The following SCGB2A1 variants were observed in gnomAD, a reference collection of about 807,000 sequenced individuals.
SCGB2A1 encodes secretoglobin family 2A member 1, also known as mammaglobin-B.
SCGB2A1 carries 6 observed loss-of-function variants against 9.2 expected under a neutral mutation model. The ratio of observed to expected loss-of-function variants is 0.66; its 90% CI spans 0.36 to 1.29. The LOEUF (loss-of-function observed/expected upper bound fraction) is 1.29, where lower values mean the gene tolerates loss of function less well. Ranked by LOEUF, SCGB2A1 falls within the 50% of genes most tolerant of loss-of-function variation. The probability of loss-of-function intolerance (pLI) is 0.03; values close to 1 mark genes in which losing one functional copy is unlikely to be tolerated. For missense variants in SCGB2A1, 138 were observed against 116.9 expected (o/e 1.18, Z -0.83); for synonymous variants, 37 against 41.0 (o/e 0.90, Z 0.37).
intron 2 of SCGB2A1, among the ~76,000 whole-genome samples, chr11:62,211,617 C>A (rs1944831791): frequency 6.6e-6 from 1 of 152,242 alleles, no homozygotes; most frequent in East Asian, 1.9e-4. Flanking sequence ...CCAGGCTGGT[C>A]TTGAACTCCT....
chr11:62,212,980 G>GTACA lies in SCGB2A1; in HGVS notation c.244-746_244-745insTACA, dbSNP rs1565121330. On this transcript the variant is annotated intron_variant, in intron 2 of 2. Transcript: ENST00000244930. ...TGTACACATATGTACACATATATGT[G>GTACA]CACATATACATGCATATATGTACAC... Among the ~76,000 whole-genome samples, 158 of 137,692 alleles carry GTACA rather than the reference G, an allele frequency of 1.1e-3. 2 individuals are homozygous for GTACA. Among genetic ancestry groups the GTACA allele is most frequent in the African/African-American group, 4.3e-3 (149 of 34,452 alleles). The allele number at this position is 137,692 out of a possible 152,430, so 90.3% of individuals were successfully genotyped here. A position where few individuals can be genotyped will look rare whatever the true frequency, so the allele number is the denominator to read the frequency against.
chr11:62,212,915 TATAC>T (rs920067461), intron 2 of SCGB2A1, among the ~76,000 whole-genome samples: 1 of 142,842 alleles, frequency 7.0e-6, no homozygotes, highest in African/African-American at 2.9e-5. Context: ...TATACATATA[TATAC>T]ACACACACAT....
At chr11:62,210,067 C>T (rs1944816073) in intron 1 of SCGB2A1, among the ~76,000 whole-genome samples, 1 of 152,164 alleles carries the variant, frequency 6.6e-6, no homozygotes, top group African/African-American at 2.4e-5. Context: ...CTACCTGATG[C>T]TGGGCATGAT....
intron 2 of SCGB2A1, among the ~76,000 whole-genome samples, chr11:62,213,188 G>A (rs554083544): frequency 6.9e-6 from 1 of 145,886 alleles, no homozygotes; most frequent in African/African-American, 2.5e-5. Flanking sequence ...TGCCCTCCTT[G>A]GCTTCCCAAA....
At chr11:62,213,539 T>C (rs889722272) in intron 2 of SCGB2A1, 187 bp from the exon 3 acceptor site, 2 of 559,232 alleles carry the variant, frequency 3.6e-6, no homozygotes, top group Non-Finnish European at 3.1e-6. Flanking sequence ...TGGCCCCTGT[T>C]TGGCATTATG....
intron 1 of SCGB2A1, among the ~76,000 whole-genome samples, chr11:62,209,086 G>A (rs1218999244): frequency 6.6e-6 from 1 of 150,926 alleles, no homozygotes; most frequent in African/African-American, 2.4e-5. Context: ...CTATTTCAGT[G>A]GGGCAAGGGA....
At chr11:62,212,934 ACACACATATG>A (rs1565121264) in intron 2 of SCGB2A1, among the ~76,000 whole-genome samples, 13 of 135,492 alleles carry the variant, frequency 9.6e-5, no homozygotes, top group African/African-American at 2.7e-4. Flanking sequence ...ACACATATAT[ACACACATATG>A]TACACACATA....
chr11:62,208,869 C>A, intron 1 of SCGB2A1, 83 bp downstream of exon 1: 1 of 1,386,434 alleles, frequency 7.2e-7, no homozygotes, highest in Non-Finnish European at 1.0e-6. Flanking sequence ...CCTCTAATCC[C>A]CAGCACAGAC....
chr11:62,209,647 G>A (rs1424177160), intron 1 of SCGB2A1, among the ~76,000 whole-genome samples: 2 of 78,976 alleles, frequency 2.5e-5, no homozygotes, highest in African/African-American at 5.8e-5. Context: ...GTGTGTGTGT[G>A]TGTGTGTGTG....
rs971308438 is a variant in SCGB2A1 at position 62,212,199 on chromosome 11, AT to A, written c.244-1517del. Among the ~76,000 whole-genome samples the A allele has an allele frequency of 1.9e-3, 283 of 148,756 alleles. 1 individual carries two copies. The highest frequency in any genetic ancestry group is 5.1e-3 in the African/African-American group (208 of 40,592). On this transcript the variant is annotated intron_variant, in intron 2 of 2. Transcript: ENST00000244930. ...CAGCCTCCCAAAGTGCTGGGATTAC[AT>A]TTTTTTTTTAAGAATTTATTTAATA...
chr11:62,213,873 G>A lies in SCGB2A1; in HGVS notation c.*103G>A, dbSNP rs778783550. The A allele has an allele frequency of 7.2e-5, 65 of 907,076 alleles. No individual in the cohort carries two copies. The highest frequency in any genetic ancestry group is 6.6e-4 in the Middle Eastern group (3 of 4,524). 56.2% of individuals were successfully genotyped at this position (907,076 alleles called of 1,614,324 possible). A position where few individuals can be genotyped will look rare whatever the true frequency, so the allele number is the denominator to read the frequency against. On this transcript the variant is annotated 3_prime_UTR_variant, in exon 3 of 3. Coordinates refer to ENST00000244930, the MANE Select transcript of SCGB2A1 (RefSeq NM_002407.3). ...CTTTCTTGTGTTGTCTTTTTATGTG[G>A]AAACTGCTAGACAACTGTTGAAACC...
chr11:62,210,501 G>T lies in SCGB2A1; in HGVS notation c.144G>T (p.Glu48Asp). The T allele has an allele frequency of 6.3e-7, 1 of 1,595,826 alleles. No individual in the cohort carries two copies. Among genetic ancestry groups the T allele is most frequent in the Non-Finnish European group, 8.5e-7 (1 of 1,173,416 alleles). ...SIPEYKELLQ[E>D]FIDSDAAAEA... is the part of the protein sequence containing the mutation. ...CTGAATACAAAGAGCTTCTTCAAGAGTTCATAGACAGTGATGCCGCTGCAG... is the reference window on the plus strand; with the variant it reads ...CTGAATACAAAGAGCTTCTTCAAGATTTCATAGACAGTGATGCCGCTGCAG... Residue 48 changes from glutamate (E) to aspartate (D), a missense_variant, in exon 2 of 3, where the codon GAG becomes GAT. Coordinates refer to ENST00000244930, the MANE Select transcript of SCGB2A1 (RefSeq NM_002407.3).
chr11:62,208,880 G>A, intron 1 of SCGB2A1, 94 bp downstream of exon 1: 5 of 1,301,368 alleles, frequency 3.8e-6, no homozygotes, highest in South Asian at 1.2e-5. Flanking sequence ...CAGCACAGAC[G>A]AGCCCCAGTG....
At chr11:62,208,879 C>A (rs562709225) in intron 1 of SCGB2A1, 93 bp downstream of exon 1, 28 of 1,319,888 alleles carry the variant, frequency 2.1e-5, no homozygotes, top group Non-Finnish European at 2.8e-5. Context: ...CCAGCACAGA[C>A]GAGCCCCAGT....
intron 2 of SCGB2A1, among the ~76,000 whole-genome samples, chr11:62,213,089 C>T (rs5792250): frequency 0.15 from 1,856 of 12,320 alleles, 56 homozygotes; most frequent in East Asian, 0.5. Context: ...CACATATATA[C>T]ACATATATAT....
chr11:62,210,624 A>G, intron 2 of SCGB2A1, 24 bp downstream of exon 2: 1 of 1,492,256 alleles, frequency 6.7e-7, no homozygotes, highest in Non-Finnish European at 8.9e-7. Context: ...CTTCTTATGT[A>G]CCCTTTGAAA....
intron 1 of SCGB2A1, among the ~76,000 whole-genome samples, chr11:62,210,137 C>G (rs371399189): frequency 6.6e-6 from 1 of 152,140 alleles, no homozygotes; most frequent in Non-Finnish European, 1.5e-5. Context: ...TGCTATGTCC[C>G]CCCAGTCAGA....
At chr11:62,213,073 T>C (rs369929047) in intron 2 of SCGB2A1, among the ~76,000 whole-genome samples, 2,195 of 26,074 alleles carry the variant, frequency 0.084, 125 homozygotes, top group African/African-American at 0.12. Flanking sequence ...CATATATACA[T>C]ATATACACAT....
At chr11:62,211,611 G>A (rs1045058502) in intron 2 of SCGB2A1, among the ~76,000 whole-genome samples, 3 of 152,114 alleles carry the variant, frequency 2.0e-5, no homozygotes, top group Admixed American at 6.5e-5. Flanking sequence ...TGTTGGCCAG[G>A]CTGGTCTTGA....
Sources: allele counts gnomAD v4.1 joint callset (sites outside exome capture counted in the v4.1 genomes callset), GRCh38; gene constraint gnomAD v4.1.1; transcripts MANE v1.5; gene names NCBI Gene and HGNC (gene_info 2026-07-23, HGNC 2026-07-21).